The following PRRG1 variants were observed in gnomAD, a reference collection of about 807,000 sequenced individuals.
PRRG1 encodes proline rich and Gla domain 1, also known as transmembrane gamma-carboxyglutamic acid protein 1.
In PRRG1, 5 loss-of-function variants were observed where a neutral mutation model predicts 11.8. The observed-to-expected ratio is 0.42, with a 90% CI of 0.22 to 0.89. PRRG1 has a LOEUF of 0.89. Among genes scored for constraint, PRRG1 ranks in the 40% least tolerant of loss-of-function variants. The pLI is 0.28. For synonymous variants in PRRG1, 66 were observed against 60.4 expected, an observed-to-expected ratio of 1.09 and a Z score of -0.43; for missense variants, 155 against 166.1, an observed-to-expected ratio of 0.93 and a Z score of 0.37.
intron 1 of PRRG1, among the ~76,000 whole-genome samples, chrX:37,356,420 G>C (rs1379358059): frequency 1.8e-5 from 2 of 111,500 alleles, no homozygotes; most frequent in Non-Finnish European, 3.8e-5. Context: ...GTCTTGAGGT[G>C]GGTTCTTTTT....
intron 3 of PRRG1, among the ~76,000 whole-genome samples, chrX:37,430,257 G>GAA (rs112360266): frequency 2.8e-5 from 3 of 108,660 alleles, no homozygotes; most frequent in African/African-American, 6.7e-5. Context: ...ATAGAGCTAG[G>GAA]AAAAAAAAAT....
Position 37,350,181 on chromosome X carries a change from T to A in PRRG1, c.-42+786T>A, listed in dbSNP as rs942867719. ...GGAACAGCCCCAAGAGGGATATGACTGGAAAGTAGTGTGTGCGCGTTTGGA... is the reference window on the plus strand; with the variant it reads ...GGAACAGCCCCAAGAGGGATATGACAGGAAAGTAGTGTGTGCGCGTTTGGA... On this transcript the variant is annotated intron_variant, in intron 1 of 3. Transcript: ENST00000378628. Among the ~76,000 whole-genome samples the A allele has an allele frequency of 2.0e-4, 22 of 111,871 alleles. No homozygotes were observed. In the Admixed American group the frequency reaches 2.1e-3, roughly 11 times the overall value.
At chrX:37,375,778 A>C (rs1556371944) in intron 1 of PRRG1, among the ~76,000 whole-genome samples, 1 of 111,082 alleles carries the variant, frequency 9.0e-6, no homozygotes, top group African/African-American at 3.3e-5. Flanking sequence ...CTGAAGCCCA[A>C]AATAATTTTT....
At chrX:37,417,426 C>T (rs781837815) in intron 2 of PRRG1, among the ~76,000 whole-genome samples, 1 of 110,976 alleles carries the variant, frequency 9.0e-6, no homozygotes, top group East Asian at 2.8e-4. Flanking sequence ...ACTGGTTGGG[C>T]ACATGAGTAC....
intron 3 of PRRG1, among the ~76,000 whole-genome samples, chrX:37,448,690 G>T (rs1354283666): frequency 8.9e-6 from 1 of 112,185 alleles, no homozygotes; most frequent in African/African-American, 3.2e-5. Context: ...TTGAATTGAT[G>T]CTTATCATGC....
intron 3 of PRRG1, chrX:37,442,364 G>C (rs1932998929): frequency 2.8e-6 from 1 of 360,687 alleles, no homozygotes; most frequent in Non-Finnish European, 3.6e-6. Flanking sequence ...AGGATCTGTG[G>C]GGGTGGAGGG....
rs782469529 is a variant in PRRG1 at position 37,453,471 on chromosome X, G to A, written c.507G>A (p.Pro169=). The change falls in exon 4 of 4, where the codon CCG becomes CCA. Residue 169 remains proline (P), a synonymous_variant. Coordinates refer to ENST00000378628, the MANE Select transcript of PRRG1 (RefSeq NM_001142395.2). The part of the protein sequence containing the change: ...VSTRLSNCDP[P]PTYEEATGQV... ...CTCGCCTGTCCAATTGTGATCCCCC[G>A]CCAACCTATGAGGAAGCCACTGGCC... 10 of 1,209,264 alleles carry A rather than the reference G, an allele frequency of 8.3e-6. No individual in the cohort carries two copies. Among genetic ancestry groups the A allele is most frequent in the South Asian group, 1.8e-5 (1 of 56,780 alleles).
At position 37,416,588 on chromosome X, in the gene PRRG1, C is replaced by T. The variant is rs895742763; in HGVS notation, c.11-9252C>T. Among the ~76,000 whole-genome samples, 3 of 112,048 alleles carry T rather than the reference C, an allele frequency of 2.7e-5. No homozygotes were observed. The Admixed American group carries it at 2.8e-4, about 11-fold the overall frequency. On this transcript the variant is annotated intron_variant, in intron 2 of 3. Transcript: ENST00000378628. ...AATTGAGGCACCAGTAAGAGTAGAA[C>T]TAGCTATCTTTGGAGTTCTCCTGTT...
chrX:37,365,718 T>C (rs1315859405), intron 1 of PRRG1, among the ~76,000 whole-genome samples: 4 of 112,013 alleles, frequency 3.6e-5, no homozygotes, highest in Non-Finnish European at 5.6e-5. Flanking sequence ...ATATTTCTCA[T>C]TGTAGTGCCT....
chrX:37,367,347 T>G (rs1412144582), intron 1 of PRRG1, among the ~76,000 whole-genome samples: 1 of 112,629 alleles, frequency 8.9e-6, no homozygotes, highest in African/African-American at 3.2e-5. Flanking sequence ...GTCTACTTTC[T>G]CTTGTAATTT....
rs1480879789 is a variant in PRRG1, at chrX:37,457,277, T to A, written c.*3656T>A. On this transcript the variant is annotated 3_prime_UTR_variant, in exon 4 of 4. Transcript: ENST00000378628. ...GTGTTTTTGGTATGCTAAATAAAGC[T>A]ATTTTTAAACCCAAGAGATTTTTTT... 8.9e-6 allele frequency: 1 copy of A among 112,540 alleles called. No individual in the cohort carries two copies. The highest frequency in any genetic ancestry group is 1.9e-5 in the Non-Finnish European group (1 of 53,266). The allele number at this position is 112,540 out of a possible 1,213,427, so 9.3% of individuals were successfully genotyped here. A position where few individuals can be genotyped will look rare whatever the true frequency, so the allele number is the denominator to read the frequency against.
intron 2 of PRRG1, among the ~76,000 whole-genome samples, chrX:37,409,961 A>G (rs782577531): frequency 6.2e-5 from 7 of 112,270 alleles, no homozygotes; most frequent in Admixed American, 2.8e-4. Flanking sequence ...ATTTGTACAT[A>G]TGTGTTAGAA....
intron 1 of PRRG1, among the ~76,000 whole-genome samples, chrX:37,398,911 T>C (rs1931831293): frequency 9.1e-6 from 1 of 109,452 alleles, no homozygotes; most frequent in South Asian, 4.0e-4. Context: ...TGAAATGAAG[T>C]GAGAAGGGAA....
intron 1 of PRRG1, among the ~76,000 whole-genome samples, chrX:37,370,104 G>T (rs1454177280): frequency 9.0e-6 from 1 of 111,430 alleles, no homozygotes; most frequent in Non-Finnish European, 1.9e-5. Context: ...TTAACTTTCT[G>T]TGCTTGGCTT....
chrX:37,386,335 T>C (rs1268190519), intron 1 of PRRG1, among the ~76,000 whole-genome samples: 1 of 111,763 alleles, frequency 8.9e-6, no homozygotes, highest in Non-Finnish European at 1.9e-5. Flanking sequence ...GAGGTATAAT[T>C]GTCATATAAT....
intron 3 of PRRG1, among the ~76,000 whole-genome samples, chrX:37,452,423 A>G (rs1921176120): frequency 8.9e-6 from 1 of 111,977 alleles, no homozygotes. Flanking sequence ...TTTCCTTTTT[A>G]TCTTTTAAAT....
intron 1 of PRRG1, among the ~76,000 whole-genome samples, chrX:37,390,142 C>G (rs1466660023): frequency 2.7e-5 from 3 of 111,461 alleles, no homozygotes; most frequent in Non-Finnish European, 5.7e-5. Context: ...ATTGCTGTGT[C>G]CTCACATGGC....
At chrX:37,426,509 G>C (rs1417790263) in intron 3 of PRRG1, among the ~76,000 whole-genome samples, 1 of 111,952 alleles carries the variant, frequency 8.9e-6, no homozygotes, top group Admixed American at 9.5e-5. Context: ...GGGGTGAAAA[G>C]TCTATAGAAC....
At chrX:37,442,132 G>A (rs781972773) in intron 3 of PRRG1, 167 of 756,132 alleles carry the variant, frequency 2.2e-4, no homozygotes, top group Non-Finnish European at 2.5e-4. Context: ...ACCAGGCGGG[G>A]GCGTGCATGT....
Sources: allele counts gnomAD v4.1 joint callset (sites outside exome capture counted in the v4.1 genomes callset), GRCh38; gene constraint gnomAD v4.1.1; transcripts MANE v1.5; gene names NCBI Gene and HGNC (gene_info 2026-07-23, HGNC 2026-07-21).